ZNF583: variants seen among roughly 807,000 people sequenced by gnomAD.
ZNF583 encodes the protein zinc finger protein L3-5.
A neutral mutation model predicts 55.3 loss-of-function variants in ZNF583; 30 were observed. The ratio of observed to expected loss-of-function variants is 0.54; its 90% CI spans 0.41 to 0.74. The LOEUF is 0.74. ZNF583 is among the 30% of genes least tolerant of loss of function. ZNF583 has a pLI of 0.00. For missense variants in ZNF583, 504 were observed against 664.7 expected (o/e 0.76, Z 2.66); for synonymous variants, 208 against 220.0 (o/e 0.95, Z 0.48).
At chr19:56,419,320 C>T (rs914465585) in intron 4 of ZNF583, among the ~76,000 whole-genome samples, 2 of 151,768 alleles carry the variant, frequency 1.3e-5, no homozygotes, top group Admixed American at 6.6e-5. Flanking sequence ...CTCAGCCTCC[C>T]GAGTAGCTAG....
At position 56,423,472 on chromosome 19, in the gene ZNF583, G is replaced by A. The variant is rs1464411204; in HGVS notation, c.814G>A (p.Glu272Lys). The A allele has an allele frequency of 1.9e-6, 3 of 1,613,862 alleles. No individual in the cohort carries two copies. Among genetic ancestry groups the A allele is most frequent in the African/African-American group, 2.7e-5 (2 of 74,896 alleles). Residue 272 changes from glutamate (E) to lysine (K), a missense_variant, in exon 5 of 5, where the codon GAA (glutamate) becomes AAA (lysine). Glu to Lys is a moderately conservative substitution (Grantham distance 56). Coordinates refer to ENST00000333201, the MANE Select transcript of ZNF583 (RefSeq NM_152478.3). ...TGGAGAGAAACCCTATGAATGTAAA[G>A]AATGTAGGAAAGCCTTCAGCCAGAA... is the stretch of plus-strand genomic sequence containing the variant. ...HTGEKPYECK[E>K]CRKAFSQNAH...
At position 56,425,154 on chromosome 19, in the gene ZNF583, G is replaced by A. The variant is rs959528174; in HGVS notation, c.*786G>A. The stretch of plus-strand genomic sequence containing the variant: ...AGTCCATGATATAGGGTAAGATGGT[G>A]GCTTGTATCAGCATTCACTGGATAT... On this transcript the variant is annotated 3_prime_UTR_variant, in exon 5 of 5. Transcript: ENST00000333201. The A allele has an allele frequency of 6.6e-6, 1 of 152,058 alleles. No homozygotes were observed. Among genetic ancestry groups the A allele is most frequent in the African/African-American group, 2.4e-5 (1 of 41,406 alleles). The allele number at this position is 152,058 out of a possible 1,614,324, so 9.4% of individuals were successfully genotyped here.
chr19:56,410,269 G>A (rs1024582208), intron 2 of ZNF583, among the ~76,000 whole-genome samples: 3 of 152,130 alleles, frequency 2.0e-5, no homozygotes, highest in African/African-American at 7.2e-5. Flanking sequence ...TATCGTTGCT[G>A]GGTCAAAATA....
At position 56,423,887 on chromosome 19, in the gene ZNF583, G is replaced by A; in HGVS notation, c.1229G>A (p.Cys410Tyr). The A allele has an allele frequency of 6.2e-7, 1 of 1,614,030 alleles. No individual in the cohort carries two copies. Among genetic ancestry groups the A allele is most frequent in the South Asian group, 1.1e-5 (1 of 91,074 alleles). ...RVHTGEKPYE[C>Y]KVCRKAFSQI... ...CATACTGGAGAAAAACCTTATGAAT[G>A]TAAAGTATGTAGGAAAGCCTTCAGC... The change falls in exon 5 of 5, where the codon TGT (cysteine) becomes TAT (tyrosine). Residue 410 changes from cysteine to tyrosine, a missense_variant. Cys to Tyr is a radical substitution (Grantham distance 194, BLOSUM62 -2). Transcript: ENST00000333201.
rs191604923 is a variant in ZNF583 at position 56,414,529 on chromosome 19, T to G, written c.232+89T>G. The stretch of plus-strand genomic sequence containing the variant: ...ATTTCAGTTCATAATTGACGTTTCC[T>G]GGGTAGCTCTTCTTAAAGACTCAAA... On this transcript the variant is annotated intron_variant, in intron 4 of 4. Coordinates refer to ENST00000333201, the MANE Select transcript of ZNF583 (RefSeq NM_152478.3). 1,394 of 1,203,890 alleles carry G rather than the reference T, an allele frequency of 1.2e-3. 2 individuals are homozygous for G. The highest frequency in any genetic ancestry group is 1.5e-3 in the Admixed American group (66 of 44,400). The allele number at this position is 1,203,890 out of a possible 1,614,324, so 74.6% of individuals were successfully genotyped here.
rs1369986494 is a variant in ZNF583 at position 56,404,816 on chromosome 19, A to C, written c.-90+364A>C. ...ATGGGACCGTGTGGGACTGTGTGAC[A>C]CTGTATGTGCTTAAGACCACGTCAC... On this transcript the variant is annotated intron_variant, in intron 1 of 4. Coordinates refer to ENST00000333201, the MANE Select transcript of ZNF583 (RefSeq NM_152478.3). The surrounding 1 kb of genome is among the most constrained non-coding windows in gnomAD (Gnocchi z 5.2). 2.0e-5 allele frequency among the ~76,000 whole-genome samples: 3 copies of C among 152,144 alleles called. No individual in the cohort carries two copies. Among genetic ancestry groups the C allele is most frequent in the Non-Finnish European group, 1.5e-5 (1 of 68,034 alleles).
chr19:56,424,251 G>T lies in ZNF583; in HGVS notation c.1593G>T (p.Gln531His). 1 of 1,613,954 alleles carries T rather than the reference G, an allele frequency of 6.2e-7. No individual in the cohort carries two copies. Among genetic ancestry groups the T allele is most frequent in the Non-Finnish European group, 8.5e-7 (1 of 1,179,974 alleles). ...ECKDCRKSFR[Q>H]RAHLAHHERI... ...AAGATTGCAGGAAATCTTTCAGGCA[G>T]CGTGCACATCTTGCTCATCATGAGA... Residue 531 changes from glutamine (Q) to histidine (H), a missense_variant, in exon 5 of 5, where the codon CAG becomes CAT. Transcript: ENST00000333201.
At position 56,423,463 on chromosome 19, in the gene ZNF583, G is replaced by A; in HGVS notation, c.805G>A (p.Glu269Lys). The change falls in exon 5 of 5, where the codon GAA (glutamate) becomes AAA (lysine). Residue 269 changes from glutamate to lysine, a missense_variant. This residue lies in a region of ZNF583 where 237 missense variants were observed against 373.0 expected (regional missense o/e 0.64). Transcript: ENST00000333201. The stretch of plus-strand genomic sequence containing the variant: ...AATACATACTGGAGAGAAACCCTAT[G>A]AATGTAAAGAATGTAGGAAAGCCTT... ...KRIHTGEKPY[E>K]CKECRKAFSQ... 2 of 1,613,872 alleles carry A rather than the reference G, an allele frequency of 1.2e-6. No homozygotes were observed. The highest frequency in any genetic ancestry group is 1.7e-6 in the Non-Finnish European group (2 of 1,179,918).
intron 2 of ZNF583, among the ~76,000 whole-genome samples, chr19:56,407,514 A>C (rs925388194): frequency 1.3e-5 from 2 of 152,246 alleles, no homozygotes; most frequent in Admixed American, 6.5e-5. Flanking sequence ...AAGGCAAGAC[A>C]GGAGGGTTAT....
rs371677285 is a variant in ZNF583, at chr19:56,410,538, A to G, written c.9+3415A>G. 5.7e-4 allele frequency among the ~76,000 whole-genome samples: 86 copies of G among 152,130 alleles called. 1 individual carries two copies. Among genetic ancestry groups the G allele is most frequent in the African/African-American group, 2.0e-3 (81 of 41,490 alleles). ...AACATGGTGAAACCCCATCTCTACT[A>G]AAAATACAAAAAAATTAGCTGAGCG... On this transcript the variant is annotated intron_variant, in intron 2 of 4. Transcript: ENST00000333201.
At chr19:56,418,329 A>C (rs1350972868) in intron 4 of ZNF583, among the ~76,000 whole-genome samples, 10 of 152,098 alleles carry the variant, frequency 6.6e-5, no homozygotes, top group African/African-American at 2.4e-4. Context: ...AATCTCAGCT[A>C]CTTGGGGGGC....
chr19:56,421,705 G>T (rs2042418333), intron 4 of ZNF583, among the ~76,000 whole-genome samples: 1 of 152,162 alleles, frequency 6.6e-6, no homozygotes, highest in African/African-American at 2.4e-5. Flanking sequence ...TTATTCCAAA[G>T]ATACTAAGCA....
chr19:56,415,313 AAATTTGGCTGTGG>A (rs2042302794), intron 4 of ZNF583, among the ~76,000 whole-genome samples: 1 of 152,142 alleles, frequency 6.6e-6, no homozygotes, highest in African/African-American at 2.4e-5. Context: ...GAAAGATGAA[AAATTTGGCTGTGG>A]ACATAAGAGG....
intron 2 of ZNF583, among the ~76,000 whole-genome samples, chr19:56,412,950 C>G (rs1374792185): frequency 6.6e-6 from 1 of 152,064 alleles, no homozygotes; most frequent in East Asian, 1.9e-4. Flanking sequence ...CTATATTGCC[C>G]AGGCTGGACT....
intron 4 of ZNF583, among the ~76,000 whole-genome samples, chr19:56,416,053 C>T (rs542906796): frequency 4.8e-4 from 73 of 151,324 alleles, no homozygotes; most frequent in Non-Finnish European, 1.0e-3. Context: ...ATTGGTCGGG[C>T]GTGGTGGCTT....
At chr19:56,412,315 C>T (rs1364479835) in intron 2 of ZNF583, among the ~76,000 whole-genome samples, 1 of 152,196 alleles carries the variant, frequency 6.6e-6, no homozygotes, top group Non-Finnish European at 1.5e-5. Context: ...CCTGATAAGT[C>T]TTGAGCTGAT....
At chr19:56,422,340 T>C (rs1034850163) in intron 4 of ZNF583, among the ~76,000 whole-genome samples, 8 of 152,156 alleles carry the variant, frequency 5.3e-5, no homozygotes, top group African/African-American at 1.2e-4. Flanking sequence ...CAGGGATCAA[T>C]TGAAAGTTTA....
At chr19:56,406,217 G>A (rs985179016) in intron 1 of ZNF583, among the ~76,000 whole-genome samples, 1 of 152,160 alleles carries the variant, frequency 6.6e-6, no homozygotes, top group African/African-American at 2.4e-5. Context: ...TGGACCCTCT[G>A]ATACTCACTC....
At chr19:56,413,851 C>G in intron 2 of ZNF583, 108 bp from the exon 3 acceptor site, 1 of 1,486,936 alleles carries the variant, frequency 6.7e-7, no homozygotes, top group Non-Finnish European at 9.1e-7. Flanking sequence ...GAAAGTTTTG[C>G]TATGTGCAAT....
Sources: allele counts gnomAD v4.1 joint callset (sites outside exome capture counted in the v4.1 genomes callset), GRCh38; gene constraint gnomAD v4.1.1; regional missense constraint gnomAD v4.1.1; non-coding constraint Gnocchi (gnomAD v3.1); transcripts MANE v1.5; gene names NCBI Gene and HGNC (gene_info 2026-07-23, HGNC 2026-07-21).